The following TMEM151B variants were observed in gnomAD, a reference collection of about 807,000 sequenced individuals.
TMEM151B encodes transmembrane protein 193.
A neutral mutation model predicts 33.0 loss-of-function variants in TMEM151B; 18 were observed. The observed-to-expected ratio is 0.55, with a 90% CI of 0.38 to 0.81. TMEM151B has a LOEUF of 0.81. TMEM151B is among the 30% of genes least tolerant of loss of function. The pLI is 0.00. For synonymous variants in TMEM151B, 354 were observed against 373.6 expected (o/e 0.95, Z 0.61); for missense variants, 672 against 843.4 (o/e 0.80, Z 2.52).
Position 44,276,370 on chromosome 6 carries a change from A to G in TMEM151B, c.1544A>G (p.Asp515Gly). 1 of 1,510,800 alleles carries G rather than the reference A, an allele frequency of 6.6e-7. No individual in the cohort carries two copies. The highest frequency in any genetic ancestry group is 8.8e-7 in the Non-Finnish European group (1 of 1,135,040). The allele number at this position is 1,510,800 out of a possible 1,614,324, so 93.6% of individuals were successfully genotyped here. A position where few individuals can be genotyped will look rare whatever the true frequency, so the allele number is the denominator to read the frequency against. The change falls in exon 3 of 3, where the codon GAC becomes GGC. Residue 515 changes from aspartate (D) to glycine (G), a missense_variant. By Grantham distance (94) the Asp-to-Gly change is moderately conservative. Around this residue, in one of 3 missense-constraint regions of TMEM151B, gnomAD observed 324 missense variants for 363.1 expected, o/e 0.89. Coordinates refer to ENST00000451188, the MANE Select transcript of TMEM151B (RefSeq NM_001137560.2). Reference sequence around the variant, plus strand: ...CTGTCCAGCCAGGCCAGCATGGGGGACGACGAGGACGACGACGAGGAGGAG... The same window carrying G: ...CTGTCCAGCCAGGCCAGCATGGGGGGCGACGAGGACGACGACGAGGAGGAG... ...TRLSSQASMGDDEDDDEEEAG... is the reference protein window; with the variant it reads ...TRLSSQASMGGDEDDDEEEAG...
intron 1 of TMEM151B, among the ~76,000 whole-genome samples, chr6:44,271,370 G>T (rs564945826): frequency 0.01 from 621 of 61,138 alleles, 38 homozygotes; most frequent in East Asian, 0.065. Context: ...TGTGTGTGTG[G>T]GGGGGGGTGT....
At chr6:44,271,203 G>A (rs1782325097) in intron 1 of TMEM151B, among the ~76,000 whole-genome samples, 1 of 151,920 alleles carries the variant, frequency 6.6e-6, no homozygotes. Context: ...CTGTCTCACA[G>A]AGGAGGATGC....
chr6:44,275,463 G>T lies in TMEM151B; in HGVS notation c.637G>T (p.Gly213Cys), dbSNP rs778179686. The T allele has an allele frequency of 1.3e-6, 2 of 1,545,104 alleles. No homozygotes were observed. Among genetic ancestry groups the T allele is most frequent in the Non-Finnish European group, 1.7e-6 (2 of 1,142,918 alleles). ...AEAEFDYARC[G>C]VRDVSKTLVG... is the part of the protein sequence containing the mutation. ...GGCTGAGTTCGACTACGCGCGCTGC[G>T]GCGTTCGCGACGTGTCCAAGACGCT... The change falls in exon 3 of 3, where the codon GGC becomes TGC. Residue 213 changes from glycine to cysteine, a missense_variant. Around this residue, in one of 3 missense-constraint regions of TMEM151B, gnomAD observed 285 missense variants for 423.1 expected, o/e 0.67. Transcript: ENST00000451188.
intron 2 of TMEM151B, 151 bp from the exon 3 acceptor site, chr6:44,275,252 C>G: frequency 3.6e-6 from 5 of 1,401,098 alleles, no homozygotes; most frequent in Non-Finnish European, 4.7e-6. Context: ...CGGAAAGATC[C>G]TAACCAGCTC....
rs1262087324 is a variant in TMEM151B, at chr6:44,276,340, C to T, written c.1514C>T (p.Thr505Met). The change falls in exon 3 of 3, where the codon ACG (threonine) becomes ATG (methionine). Residue 505 changes from threonine (T) to methionine (M), a missense_variant. Around this residue, in one of 3 missense-constraint regions of TMEM151B, gnomAD observed 324 missense variants for 363.1 expected, o/e 0.89. Transcript: ENST00000451188. ...VNEASCPTEQ[T>M]RLSSQASMGD... ...GAGGCCAGCTGCCCCACGGAGCAGA[C>T]GCGGCTGTCCAGCCAGGCCAGCATG... 4.7e-6 allele frequency: 7 copies of T among 1,491,246 alleles called. No homozygotes were observed. The highest frequency in any genetic ancestry group is 6.2e-6 in the Non-Finnish European group (7 of 1,124,776). The allele number at this position is 1,491,246 out of a possible 1,614,324, so 92.4% of individuals were successfully genotyped here.
At chr6:44,275,117 C>CA (rs55699643) in intron 2 of TMEM151B, among the ~76,000 whole-genome samples, 3,901 of 111,562 alleles carry the variant, frequency 0.035, 76 homozygotes, top group East Asian at 0.06. Flanking sequence ...GACTCCATCT[C>CA]AAAAAAAAAA....
rs1159269777 is a variant in TMEM151B, at chr6:44,276,473, C to A, written c.1647C>A (p.Gly549=). 3 of 1,459,588 alleles carry A rather than the reference C, an allele frequency of 2.1e-6. No homozygotes were observed. The highest frequency in any genetic ancestry group is 2.3e-5 in the Admixed American group (1 of 43,250). The allele number at this position is 1,459,588 out of a possible 1,614,324, so 90.4% of individuals were successfully genotyped here. Reference sequence around the variant, plus strand: ...TCCACCGGCAGGAGGGGTGTCTGGGCCACAGCCACCGGCCGCTGCACCGCC... The same window carrying A: ...TCCACCGGCAGGAGGGGTGTCTGGGACACAGCCACCGGCCGCTGCACCGCC... ...LIVHRQEGCL[G]HSHRPLHRHG... Residue 549 remains glycine (G), a synonymous_variant, in exon 3 of 3, where the codon GGC becomes GGA. Coordinates refer to ENST00000451188, the MANE Select transcript of TMEM151B (RefSeq NM_001137560.2).
chr6:44,275,086 C>T (rs1269904604), intron 2 of TMEM151B, among the ~76,000 whole-genome samples: 1 of 147,672 alleles, frequency 6.8e-6, no homozygotes, highest in Non-Finnish European at 1.5e-5. Flanking sequence ...CCACTGCACT[C>T]CAGCCTGGGC....
chr6:44,276,256 G>C lies in TMEM151B; in HGVS notation c.1430G>C (p.Gly477Ala). 7.6e-7 allele frequency: 1 copy of C among 1,321,660 alleles called. No homozygotes were observed. The highest frequency in any genetic ancestry group is 2.1e-5 in the South Asian group (1 of 48,322). The allele number at this position is 1,321,660 out of a possible 1,614,324, so 81.9% of individuals were successfully genotyped here. A position where few individuals can be genotyped will look rare whatever the true frequency, so the allele number is the denominator to read the frequency against. The change falls in exon 3 of 3, where the codon GGC (glycine) becomes GCC (alanine). Residue 477 changes from glycine (G) to alanine (A), a missense_variant. Transcript: ENST00000451188. Reference protein sequence around the residue: ...AGCGGSRFSLGRLYGSRRSCL... With the variant: ...AGCGGSRFSLARLYGSRRSCL... ...TGCGGGGGCAGCCGCTTCTCGCTGGGCCGTCTCTACGGCTCCCGGCGCAGC... is the reference window on the plus strand; with the variant it reads ...TGCGGGGGCAGCCGCTTCTCGCTGGCCCGTCTCTACGGCTCCCGGCGCAGC...
chr6:44,275,996 G>A lies in TMEM151B; in HGVS notation c.1170G>A (p.Ala390=), dbSNP rs1255697971. 4 of 1,424,326 alleles carry A rather than the reference G, an allele frequency of 2.8e-6. No homozygotes were observed. Among genetic ancestry groups the A allele is most frequent in the Admixed American group, 6.1e-5 (2 of 32,776 alleles). The allele number at this position is 1,424,326 out of a possible 1,614,324, so 88.2% of individuals were successfully genotyped here. A position where few individuals can be genotyped will look rare whatever the true frequency, so the allele number is the denominator to read the frequency against. Residue 390 remains alanine (A), a synonymous_variant, in exon 3 of 3, where the codon GCG becomes GCA. Transcript: ENST00000451188. The part of the protein sequence containing the change: ...NQQLVPSYSE[A]VLMDLAGLGT... ...AGCTGGTGCCCAGCTACTCTGAGGC[G>A]GTGCTCATGGACCTGGCGGGGCTCG...
chr6:44,270,985 A>C (rs1034726206), intron 1 of TMEM151B, 108 bp downstream of exon 1: 1 of 782,342 alleles, frequency 1.3e-6, no homozygotes, highest in Non-Finnish European at 1.5e-6. Context: ...GGCGCCCCGC[A>C]CCCCGAGCCG....
Position 44,276,114 on chromosome 6 carries a change from C to A in TMEM151B, c.1288C>A (p.Arg430=), listed in dbSNP as rs1460931277. The change falls in exon 3 of 3, where the codon CGG becomes AGG. Residue 430 remains arginine, a synonymous_variant. Coordinates refer to ENST00000451188, the MANE Select transcript of TMEM151B (RefSeq NM_001137560.2). Reference sequence around the variant, plus strand: ...GGGCGCGGCGGGCGTGGCTCCCTACCGGCGCAGCTGCGAGCACTGCCAGCG... The same window carrying A: ...GGGCGCGGCGGGCGTGGCTCCCTACAGGCGCAGCTGCGAGCACTGCCAGCG... ...GPGAAGVAPY[R]RSCEHCQRAV... is the part of the protein sequence containing the mutation. The A allele has an allele frequency of 2.1e-5, 28 of 1,321,788 alleles. No homozygotes were observed. Among genetic ancestry groups the A allele is most frequent in the Non-Finnish European group, 1.7e-5 (18 of 1,044,678 alleles). 81.9% of individuals were successfully genotyped at this position (1,321,788 alleles called of 1,614,324 possible).
Position 44,275,863 on chromosome 6 carries a change from G to C in TMEM151B, c.1037G>C (p.Gly346Ala), listed in dbSNP as rs898300064. 2.6e-6 allele frequency: 4 copies of C among 1,541,706 alleles called. No individual in the cohort carries two copies. The highest frequency in any genetic ancestry group is 8.7e-7 in the Non-Finnish European group (1 of 1,145,492). ...EGPGSASSAG[G>A]GLSPSDELLP... is the part of the protein sequence containing the mutation. ...CCGGGCTCGGCCAGCAGCGCAGGCG[G>C]TGGCCTCAGCCCCAGCGATGAGCTG... Residue 346 changes from glycine to alanine, a missense_variant, in exon 3 of 3, where the codon GGT (glycine) becomes GCT (alanine). Transcript: ENST00000451188.
Position 44,276,364 on chromosome 6 carries a change from T to G in TMEM151B, c.1538T>G (p.Met513Arg). 6.6e-7 allele frequency: 1 copy of G among 1,510,860 alleles called. No individual in the cohort carries two copies. The highest frequency in any genetic ancestry group is 8.8e-7 in the Non-Finnish European group (1 of 1,135,174). 93.6% of individuals were successfully genotyped at this position (1,510,860 alleles called of 1,614,324 possible). Residue 513 changes from methionine to arginine, a missense_variant, in exon 3 of 3, where the codon ATG becomes AGG. By Grantham distance (91) the Met-to-Arg change is moderately conservative. Coordinates refer to ENST00000451188, the MANE Select transcript of TMEM151B (RefSeq NM_001137560.2). ...ACGCGGCTGTCCAGCCAGGCCAGCA[T>G]GGGGGACGACGAGGACGACGACGAG... ...EQTRLSSQAS[M>R]GDDEDDDEEE...
intron 1 of TMEM151B, 107 bp downstream of exon 1, chr6:44,270,984 C>A: frequency 1.3e-6 from 1 of 787,894 alleles, no homozygotes; most frequent in Non-Finnish European, 1.5e-6. Flanking sequence ...CGGCGCCCCG[C>A]ACCCCGAGCC....
In TMEM151B at chr6:44,279,316, G is replaced by T. The variant is rs1038504546; in HGVS notation, c.*2789G>T. ...GACAAGGGCTTGTGGGGTGGGCTGG[G>T]CCTGGCTGGGGAGAAGACAGGTCTC... is the stretch of plus-strand genomic sequence containing the variant. On this transcript the variant is annotated 3_prime_UTR_variant, in exon 3 of 3. Transcript: ENST00000451188. 7.2e-5 allele frequency: 11 copies of T among 152,528 alleles called. No homozygotes were observed. The highest frequency in any genetic ancestry group is 2.1e-4 in the South Asian group (1 of 4,832). 9.4% of individuals were successfully genotyped at this position (152,528 alleles called of 1,614,324 possible).
chr6:44,275,919 G>A lies in TMEM151B; in HGVS notation c.1093G>A (p.Val365Ile). ...CCCGCTCACCCACCGCCTGCCGCGG[G>A]TCAACACAGTAGACAGCACGGAGCT... is the stretch of plus-strand genomic sequence containing the variant. ...LPPLTHRLPR[V>I]NTVDSTELEW... The change falls in exon 3 of 3, where the codon GTC (valine) becomes ATC (isoleucine). Residue 365 changes from valine (V) to isoleucine (I), a missense_variant. By Grantham distance (29) the Val-to-Ile change is conservative (BLOSUM62 3). This residue lies in a region of TMEM151B where 324 missense variants were observed against 363.1 expected (regional missense o/e 0.89). Coordinates refer to ENST00000451188, the MANE Select transcript of TMEM151B (RefSeq NM_001137560.2). The A allele has an allele frequency of 6.6e-7, 1 of 1,526,550 alleles. No individual in the cohort carries two copies. The highest frequency in any genetic ancestry group is 8.8e-7 in the Non-Finnish European group (1 of 1,135,414). 94.6% of individuals were successfully genotyped at this position (1,526,550 alleles called of 1,614,324 possible).
chr6:44,276,614 G>A lies in TMEM151B; in HGVS notation c.*87G>A. 7.7e-7 allele frequency: 1 copy of A among 1,292,108 alleles called. No individual in the cohort carries two copies. The highest frequency in any genetic ancestry group is 9.8e-7 in the Non-Finnish European group (1 of 1,019,968). The allele number at this position is 1,292,108 out of a possible 1,614,324, so 80.0% of individuals were successfully genotyped here. Reference sequence around the variant, plus strand: ...TCTGCGACGCAGGGCGAGTCACCACGGTGACTGAGGCCGCGCGGGGGGCAG... The same window carrying A: ...TCTGCGACGCAGGGCGAGTCACCACAGTGACTGAGGCCGCGCGGGGGGCAG... On this transcript the variant is annotated 3_prime_UTR_variant, in exon 3 of 3. Transcript: ENST00000451188.
intron 1 of TMEM151B, among the ~76,000 whole-genome samples, chr6:44,271,886 GTGTGTGTGTGTGT>G (rs1321597097): frequency 4.6e-5 from 2 of 43,448 alleles, no homozygotes. Context: ...GAGGTTGTGT[GTGTGTGTGTGTGT>G]GTGTGTGTGG....
Sources: gnomAD v4.1 joint callset for allele counts (sites outside exome capture counted in the v4.1 genomes callset) on GRCh38, gnomAD v4.1.1 for gene constraint, gnomAD v4.1.1 regional missense constraint, MANE v1.5 for transcripts, NCBI Gene and HGNC (gene_info 2026-07-23, HGNC 2026-07-21) for gene names.